Variants in FAM240B observed in about 807,000 individuals in gnomAD.
The protein encoded by FAM240B is protein FAM240B.
At chr9:38,703,505 C>A (rs912397400) in intron 2 of FAM240B, among the ~76,000 whole-genome samples, 1 of 152,208 alleles carries the variant, frequency 6.6e-6, no homozygotes, top group South Asian at 2.1e-4. Flanking sequence ...ACTGCCTTGC[C>A]TTTTTCATAG....
intron 1 of FAM240B, among the ~76,000 whole-genome samples, chr9:38,706,604 C>A (rs1821193109): frequency 6.6e-6 from 1 of 152,134 alleles, no homozygotes; most frequent in African/African-American, 2.4e-5. Context: ...AGGGTCTGAG[C>A]GTGGATTGCT....
intron 1 of FAM240B, among the ~76,000 whole-genome samples, chr9:38,713,481 C>CAAAAA (rs77404875): frequency 0.04 from 3,119 of 78,932 alleles, 6 homozygotes; most frequent in Non-Finnish European, 0.045. Flanking sequence ...CCGTTTCAAA[C>CAAAAA]AAAAAAAAAA....
intron 2 of FAM240B, among the ~76,000 whole-genome samples, chr9:38,698,232 A>C (rs992675945): frequency 3.3e-5 from 5 of 152,360 alleles, no homozygotes; most frequent in African/African-American, 9.6e-5. Context: ...AGCAAAAAAA[A>C]TTGAGGAAAT....
chr9:38,714,301 A>AG (rs1204463677), intron 1 of FAM240B, among the ~76,000 whole-genome samples: 2 of 152,266 alleles, frequency 1.3e-5, no homozygotes, highest in African/African-American at 2.4e-5. Flanking sequence ...TAATTATTGC[A>AG]GGCAGAATCC....
Position 38,694,848 on chromosome 9 carries a change from C to G in FAM240B, c.165G>C (p.Gln55His). ...GCATCCTCAGCCTCCTCTCCAGCCT[C>G]TGCCTCCATTCTTCTCTGAGTCTGC... Reference protein sequence around the residue: ...ALKKLREEWRQRLERRLRMLD... With the variant: ...ALKKLREEWRHRLERRLRMLD... Residue 55 changes from glutamine (Q) to histidine (H), a missense_variant, in exon 3 of 3, where the codon CAG becomes CAC. Coordinates refer to ENST00000637493, the MANE Select transcript of FAM240B (RefSeq NM_001394922.1). 1 of 398,874 alleles carries G rather than the reference C, an allele frequency of 2.5e-6. No individual in the cohort carries two copies. The highest frequency in any genetic ancestry group is 4.4e-6 in the Non-Finnish European group (1 of 226,250). 24.7% of individuals were successfully genotyped at this position (398,874 alleles called of 1,614,324 possible).
chr9:38,715,007 A>G (rs572797161), intron 1 of FAM240B, among the ~76,000 whole-genome samples: 1 of 152,356 alleles, frequency 6.6e-6, no homozygotes, highest in Admixed American at 6.5e-5. Flanking sequence ...TATTAGAGAA[A>G]GCTAGGTGAC....
At chr9:38,708,633 T>G (rs1478139399) in intron 1 of FAM240B, among the ~76,000 whole-genome samples, 4 of 152,174 alleles carry the variant, frequency 2.6e-5, no homozygotes, top group Non-Finnish European at 5.9e-5. Flanking sequence ...GGAGATGAAG[T>G]GTGGTAACAT....
intron 2 of FAM240B, among the ~76,000 whole-genome samples, chr9:38,696,265 T>C (rs1821067112): frequency 6.6e-6 from 1 of 152,208 alleles, no homozygotes; most frequent in Non-Finnish European, 1.5e-5. Flanking sequence ...GTATAATACT[T>C]AATACTCTTT....
At chr9:38,712,708 A>C (rs1356186910) in intron 1 of FAM240B, among the ~76,000 whole-genome samples, 2 of 152,332 alleles carry the variant, frequency 1.3e-5, no homozygotes, top group African/African-American at 2.4e-5. Flanking sequence ...TGCTAATATG[A>C]TCTTAAAATT....
rs537697534 is a variant in FAM240B at position 38,699,941 on chromosome 9, C to T, written c.143+3916G>A. ...AGATGACAATTTTGCTACACCTACTCCATTCTCGTAGGCAGGAAGCATGCC... is the reference window on the plus strand; with the variant it reads ...AGATGACAATTTTGCTACACCTACTTCATTCTCGTAGGCAGGAAGCATGCC... On this transcript the variant is annotated intron_variant, in intron 2 of 2. Coordinates refer to ENST00000637493, the MANE Select transcript of FAM240B (RefSeq NM_001394922.1). Among the ~76,000 whole-genome samples, 11 of 152,338 alleles carry T rather than the reference C, an allele frequency of 7.2e-5. No homozygotes were observed. In the East Asian group the frequency reaches 2.1e-3, roughly 29 times the overall value.
chr9:38,703,465 A>G (rs1285671624), intron 2 of FAM240B, among the ~76,000 whole-genome samples: 1 of 152,210 alleles, frequency 6.6e-6, no homozygotes, highest in Non-Finnish European at 1.5e-5. Flanking sequence ...GAATGACTCA[A>G]ACTAACTGGT....
chr9:38,705,417 G>A (rs10814739), intron 1 of FAM240B: 13,493 of 152,150 alleles, frequency 0.089, 644 homozygotes, highest in Middle Eastern at 0.11. Context: ...GTGAAACCCT[G>A]TCTCTACAAA....
chr9:38,695,357 C>A (rs1587587503), intron 2 of FAM240B, among the ~76,000 whole-genome samples: 2 of 152,176 alleles, frequency 1.3e-5, no homozygotes, highest in African/African-American at 2.4e-5. Context: ...CCCGTCTCTA[C>A]TAACAATACA....
At chr9:38,716,750 T>G (rs1343768988) in intron 1 of FAM240B, among the ~76,000 whole-genome samples, 1 of 152,226 alleles carries the variant, frequency 6.6e-6, no homozygotes, top group African/African-American at 2.4e-5. Flanking sequence ...TAATGAATGT[T>G]ACTTTTTTCC....
chr9:38,716,879 G>A (rs750495592), intron 1 of FAM240B, among the ~76,000 whole-genome samples: 3 of 152,310 alleles, frequency 2.0e-5, no homozygotes, highest in Middle Eastern at 3.4e-3. Context: ...TACCTGGAAC[G>A]AAGGCTCATG....
chr9:38,711,592 G>GA (rs747668690), intron 1 of FAM240B, among the ~76,000 whole-genome samples: 3 of 151,840 alleles, frequency 2.0e-5, no homozygotes, highest in Admixed American at 6.6e-5. Context: ...CACCTTTTCA[G>GA]AAAACATTTT....
chr9:38,701,714 T>C (rs924161036), intron 2 of FAM240B, among the ~76,000 whole-genome samples: 7 of 152,312 alleles, frequency 4.6e-5, no homozygotes, highest in South Asian at 4.1e-4. Flanking sequence ...AAAGATTTAT[T>C]CTTTCAGTCA....
chr9:38,696,090 G>A (rs1456774025), intron 2 of FAM240B, among the ~76,000 whole-genome samples: 1 of 152,134 alleles, frequency 6.6e-6, no homozygotes, highest in Admixed American at 6.5e-5. Context: ...ATTAAACTCT[G>A]CTCGATTATG....
chr9:38,705,719 G>A (rs1169216397), intron 1 of FAM240B, among the ~76,000 whole-genome samples: 3 of 152,102 alleles, frequency 2.0e-5, no homozygotes, highest in African/African-American at 7.2e-5. Context: ...GCTCTCATCA[G>A]AGGGGCAGCA....
Sources: gnomAD v4.1 joint callset for allele counts (sites outside exome capture counted in the v4.1 genomes callset) on GRCh38, gnomAD v4.1.1 for gene constraint, MANE v1.5 for transcripts, NCBI Gene and HGNC (gene_info 2026-07-23, HGNC 2026-07-21) for gene names.